RNF220: variants seen among roughly 807,000 people sequenced by gnomAD.
The protein encoded by RNF220 is E3 ubiquitin-protein ligase RNF220.
RNF220 carries 7 observed loss-of-function variants against 67.1 expected under a neutral mutation model. The observed-to-expected ratio is 0.10, with a 90% CI of 0.06 to 0.20. RNF220 has a LOEUF of 0.20. Among genes scored for constraint, RNF220 ranks in the 10% least tolerant of loss-of-function variants. The pLI, the probability that RNF220 is intolerant of heterozygous loss-of-function variation, is 1.00. For synonymous variants in RNF220, 270 were observed against 283.2 expected, an observed-to-expected ratio of 0.95 and a Z score of 0.47; for missense variants, 565 against 740.3, an observed-to-expected ratio of 0.76 and a Z score of 2.75.
At chr1:44,440,105 T>C (rs751090756) in intron 2 of RNF220, among the ~76,000 whole-genome samples, 2 of 152,182 alleles carry the variant, frequency 1.3e-5, no homozygotes, top group African/African-American at 2.4e-5. Flanking sequence ...GAACTATAAG[T>C]CATGGTAGCC....
At chr1:44,607,520 T>C (rs2148412999) in intron 2 of RNF220, among the ~76,000 whole-genome samples, 1 of 151,878 alleles carries the variant, frequency 6.6e-6, no homozygotes, top group East Asian at 1.9e-4. Flanking sequence ...GGAGTCTCGC[T>C]TTGTCACCCA....
intron 2 of RNF220, among the ~76,000 whole-genome samples, chr1:44,564,903 G>T (rs556298661): frequency 2.0e-5 from 3 of 150,906 alleles, no homozygotes; most frequent in Non-Finnish European, 4.4e-5. Flanking sequence ...CCCTTAGATT[G>T]TAAGTTCCTT....
At chr1:44,601,599 G>A (rs908257899) in intron 2 of RNF220, among the ~76,000 whole-genome samples, 4 of 152,168 alleles carry the variant, frequency 2.6e-5, no homozygotes, top group Non-Finnish European at 5.9e-5. Context: ...GAGGGAACAG[G>A]GAGGTGAGAG....
chr1:44,409,197 C>G (rs1186169278), intron 1 of RNF220, among the ~76,000 whole-genome samples: 1 of 143,132 alleles, frequency 7.0e-6, no homozygotes, highest in African/African-American at 2.7e-5. Flanking sequence ...ATTTAAGAAA[C>G]AAACAAACTC....
Position 44,600,647 on chromosome 1 carries a change from TC to T in RNF220, c.626-13516del, listed in dbSNP as rs760760535. 8.5e-5 allele frequency among the ~76,000 whole-genome samples: 13 copies of T among 152,058 alleles called. No homozygotes were observed. The highest frequency in any genetic ancestry group is 1.8e-4 in the Non-Finnish European group (12 of 67,970). On this transcript the variant is annotated intron_variant, in intron 2 of 14. Transcript: ENST00000361799. This position sits in a 1 kb window ranked among gnomAD's most constrained non-coding sequence, Gnocchi z 4.0. ...ACCAGCCTGGCCAACACGATGAAAC[TC>T]CGTCTCTATTAAAAATACAAAAATT...
intron 2 of RNF220, among the ~76,000 whole-genome samples, chr1:44,480,669 T>G (rs1655718168): frequency 6.6e-6 from 1 of 151,986 alleles, no homozygotes; most frequent in African/African-American, 2.4e-5. Flanking sequence ...TGGGATCACT[T>G]GAGGTCAGGA....
At chr1:44,594,729 C>G (rs776725322) in intron 2 of RNF220, among the ~76,000 whole-genome samples, 1 of 152,068 alleles carries the variant, frequency 6.6e-6, no homozygotes, top group Non-Finnish European at 1.5e-5. Context: ...AATCAATAGC[C>G]CATTGGGAAC....
chr1:44,471,223 C>T (rs1654774545), intron 2 of RNF220, among the ~76,000 whole-genome samples: 1 of 151,856 alleles, frequency 6.6e-6, no homozygotes, highest in South Asian at 2.1e-4. Flanking sequence ...GTCAGGAGTT[C>T]GAGACCAGCC....
chr1:44,427,032 C>G (rs940788523), intron 2 of RNF220, among the ~76,000 whole-genome samples: 1 of 152,184 alleles, frequency 6.6e-6, no homozygotes, highest in African/African-American at 2.4e-5. Flanking sequence ...GCTGACACTT[C>G]AAGCACTTTC....
intron 2 of RNF220, among the ~76,000 whole-genome samples, chr1:44,599,951 G>A (rs1312454306): frequency 1.3e-5 from 2 of 152,178 alleles, no homozygotes; most frequent in African/African-American, 4.8e-5. Context: ...TTAGAGGGGA[G>A]AGAGATACAT....
At chr1:44,527,771 CA>C (rs2148179361) in intron 2 of RNF220, among the ~76,000 whole-genome samples, 1 of 151,342 alleles carries the variant, frequency 6.6e-6, no homozygotes, top group Admixed American at 6.6e-5. Flanking sequence ...ACTAAAAATA[CA>C]AAAATTAGCC....
At chr1:44,525,942 T>C (rs910308340) in intron 2 of RNF220, among the ~76,000 whole-genome samples, 12 of 152,210 alleles carry the variant, frequency 7.9e-5, no homozygotes, top group African/African-American at 2.9e-4. Context: ...ACTGAATCTG[T>C]TTTTGACCTC....
intron 2 of RNF220, among the ~76,000 whole-genome samples, chr1:44,431,085 G>A (rs1398463231): frequency 6.6e-6 from 1 of 152,174 alleles, no homozygotes; most frequent in Non-Finnish European, 1.5e-5. Flanking sequence ...TTTCTTTTCT[G>A]AATTTGTTTT....
chr1:44,441,284 C>T (rs1301347108), intron 2 of RNF220, among the ~76,000 whole-genome samples: 1 of 152,062 alleles, frequency 6.6e-6, no homozygotes, highest in Non-Finnish European at 1.5e-5. Flanking sequence ...TTTTCTGAGC[C>T]AGGAAAGTCA....
chr1:44,507,670 C>T (rs1443676885), intron 2 of RNF220, among the ~76,000 whole-genome samples: 1 of 151,766 alleles, frequency 6.6e-6, no homozygotes, highest in African/African-American at 2.4e-5. Flanking sequence ...TCCAGCTGGA[C>T]GCAGAGGGGG....
intron 2 of RNF220, among the ~76,000 whole-genome samples, chr1:44,447,412 TATCTCTG>T (rs2147918094): frequency 6.6e-6 from 1 of 152,354 alleles, no homozygotes; most frequent in East Asian, 1.9e-4. Context: ...TCTATATACA[TATCTCTG>T]TTCTCCCCGC....
At chr1:44,409,522 G>A (rs1363769199) in intron 1 of RNF220, among the ~76,000 whole-genome samples, 1 of 152,200 alleles carries the variant, frequency 6.6e-6, no homozygotes, top group Non-Finnish European at 1.5e-5. Context: ...TGCAAAGTGA[G>A]AAGTGAACTA....
chr1:44,595,163 A>G (rs976109632), intron 2 of RNF220, among the ~76,000 whole-genome samples: 1 of 152,216 alleles, frequency 6.6e-6, no homozygotes, highest in African/African-American at 2.4e-5. Flanking sequence ...CAAGTGTTCC[A>G]TGGACACTTA....
intron 2 of RNF220, among the ~76,000 whole-genome samples, chr1:44,498,966 T>C (rs1657589288): frequency 6.6e-6 from 1 of 152,176 alleles, no homozygotes; most frequent in South Asian, 2.1e-4. Flanking sequence ...TCCCGAAATC[T>C]TGTCATTACC....
Sources: allele counts gnomAD v4.1 joint callset (sites outside exome capture counted in the v4.1 genomes callset), GRCh38; gene constraint gnomAD v4.1.1; non-coding constraint Gnocchi (gnomAD v3.1); transcripts MANE v1.5; gene names NCBI Gene and HGNC (gene_info 2026-07-23, HGNC 2026-07-21).